SLCO1A2: variants seen among roughly 807,000 people sequenced by gnomAD.
SLCO1A2 encodes the protein solute carrier organic anion transporter family member 1A2.
A neutral mutation model predicts 69.0 loss-of-function variants in SLCO1A2; 67 were observed. The ratio of observed to expected loss-of-function variants is 0.97; its 90% confidence interval spans 0.80 to 1.19. The LOEUF (loss-of-function observed/expected upper bound fraction) is 1.19. Among genes scored for constraint, SLCO1A2 ranks in the 50% most tolerant of loss-of-function variants. SLCO1A2 has a pLI of 0.00. For missense variants in SLCO1A2, 787 were observed against 793.7 expected, an observed-to-expected ratio of 0.99 and a Z score of 0.10; for synonymous variants, 260 against 265.9, an observed-to-expected ratio of 0.98 and a Z score of 0.22.
intron 2 of SLCO1A2, among the ~76,000 whole-genome samples, chr12:21,320,469 TTC>T (rs1352088004): frequency 6.6e-6 from 1 of 151,892 alleles, no homozygotes; most frequent in African/African-American, 2.4e-5. Context: ...TATTGCTCTT[TTC>T]TCTCTCTCTC....
At chr12:21,275,462 A>C (rs764419497) in intron 12 of SLCO1A2, 38 bp from the exon 13 acceptor site, 1 of 1,401,944 alleles carries the variant, frequency 7.1e-7, no homozygotes, top group East Asian at 2.6e-5. Flanking sequence ...AAGAAAAATA[A>C]AGATTTAAAA....
At chr12:21,276,155 A>G (rs992278381) in intron 12 of SLCO1A2, among the ~76,000 whole-genome samples, 1 of 152,168 alleles carries the variant, frequency 6.6e-6, no homozygotes, top group Non-Finnish European at 1.5e-5. Context: ...TTGGAAGTGA[A>G]AAGACAAAAC....
chr12:21,395,963 C>A (rs770736078), upstream of SLCO1A2, among the ~76,000 whole-genome samples: 1 of 150,474 alleles, frequency 6.6e-6, no homozygotes, highest in African/African-American at 2.4e-5. Context: ...AAAAGCAGAG[C>A]GCCTCTCCTC....
At chr12:21,363,064 C>G (rs370249964) in intron 2 of SLCO1A2, among the ~76,000 whole-genome samples, 2 of 152,210 alleles carry the variant, frequency 1.3e-5, no homozygotes, top group Non-Finnish European at 2.9e-5. Context: ...ATCTACAGAA[C>G]TCTCCACCCC....
chr12:21,285,929 T>C (rs1945695851), intron 12 of SLCO1A2, among the ~76,000 whole-genome samples: 1 of 151,726 alleles, frequency 6.6e-6, no homozygotes, highest in African/African-American at 2.4e-5. Flanking sequence ...ACTGGAAGCA[T>C]TCCCTTTGAA....
chr12:21,312,833 A>G (rs1376115404), intron 4 of SLCO1A2, among the ~76,000 whole-genome samples: 3 of 152,108 alleles, frequency 2.0e-5, no homozygotes, highest in Non-Finnish European at 4.4e-5. Context: ...CAACATTTTG[A>G]GAGTCTGAGG....
At chr12:21,368,754 G>C (rs891303667) in intron 2 of SLCO1A2, among the ~76,000 whole-genome samples, 1 of 151,950 alleles carries the variant, frequency 6.6e-6, no homozygotes, top group African/African-American at 2.4e-5. Flanking sequence ...ACATTTGAAA[G>C]TTCCCAAAAG....
intron 2 of SLCO1A2, among the ~76,000 whole-genome samples, chr12:21,357,269 TA>T (rs1295808304): frequency 2.6e-5 from 4 of 152,080 alleles, no homozygotes; most frequent in African/African-American, 9.7e-5. Flanking sequence ...GGTGGACGTA[TA>T]AAAAGGGGAA....
rs1029355044 is a variant in SLCO1A2, at chr12:21,381,786, C to T, written c.-189-7261G>A. On this transcript the variant is annotated intron_variant, in intron 1 of 15. Coordinates refer to the SLCO1A2 transcript ENST00000307378. ...ACTCCAGCCTGGCTACAGAGCGAGA[C>T]TCCGTCTCAAAAAGAAAAAAAAGAA... Among the ~76,000 whole-genome samples, 4 of 152,156 alleles carry T rather than the reference C, an allele frequency of 2.6e-5. No individual in the cohort carries two copies. In the East Asian group the frequency reaches 5.8e-4, roughly 22 times the overall value.
chr12:21,327,783 C>T (rs1049952484), intron 2 of SLCO1A2, among the ~76,000 whole-genome samples: 27 of 151,774 alleles, frequency 1.8e-4, no homozygotes, highest in African/African-American at 6.1e-4. Context: ...TTTGATGGCT[C>T]CTAAGTTAGG....
At chr12:21,270,030 A>C (rs1942519762) in intron 14 of SLCO1A2, among the ~76,000 whole-genome samples, 1 of 147,378 alleles carries the variant, frequency 6.8e-6, no homozygotes, top group Non-Finnish European at 1.5e-5. Flanking sequence ...ATAACTAACT[A>C]GTTTTTCATT....
chr12:21,407,110 G>A (rs1369576742), intron 1 of SLCO1A2, among the ~76,000 whole-genome samples: 1 of 152,066 alleles, frequency 6.6e-6, no homozygotes, highest in East Asian at 1.9e-4. Context: ...AGGCAAAAGT[G>A]CTCTGAAGAA....
chr12:21,284,048 T>C (rs1945278316), intron 12 of SLCO1A2, among the ~76,000 whole-genome samples: 1 of 152,096 alleles, frequency 6.6e-6, no homozygotes, highest in Non-Finnish European at 1.5e-5. Context: ...GATCCAGCAA[T>C]CCCACTTCTA....
chr12:21,376,881 T>C (rs1772392446), intron 1 of SLCO1A2, among the ~76,000 whole-genome samples: 2 of 152,126 alleles, frequency 1.3e-5, no homozygotes, highest in African/African-American at 2.4e-5. Context: ...TTCACCAATA[T>C]TTTGATTTCT....
intron 2 of SLCO1A2, among the ~76,000 whole-genome samples, chr12:21,363,769 C>A (rs1939137515): frequency 6.6e-6 from 1 of 152,166 alleles, no homozygotes; most frequent in African/African-American, 2.4e-5. Context: ...CTATAAACAC[C>A]TCTGTGCAAA....
At chr12:21,299,287 T>C (rs1418112720) in intron 8 of SLCO1A2, among the ~76,000 whole-genome samples, 3 of 152,144 alleles carry the variant, frequency 2.0e-5, no homozygotes. Context: ...TCTTGAGTAC[T>C]AAATACTTAG....
At chr12:21,310,168 C>T (rs1040564310) in intron 4 of SLCO1A2, among the ~76,000 whole-genome samples, 84 of 152,148 alleles carry the variant, frequency 5.5e-4, no homozygotes, top group African/African-American at 1.8e-3. Flanking sequence ...TATTGTGTAA[C>T]ACTAATGTAT....
intron 1 of SLCO1A2, among the ~76,000 whole-genome samples, chr12:21,407,825 A>T (rs35831032): frequency 5.3e-5 from 8 of 151,590 alleles, no homozygotes; most frequent in African/African-American, 1.2e-4. Context: ...ATAAATGAAA[A>T]AAAAAAAAAA....
chr12:21,288,356 G>T (rs376799454), intron 12 of SLCO1A2, among the ~76,000 whole-genome samples: 1 of 152,078 alleles, frequency 6.6e-6, no homozygotes, highest in Non-Finnish European at 1.5e-5. Context: ...CAGGAGGATC[G>T]CTTGAGCCAG....
Sources: gnomAD v4.1 joint callset for allele counts (sites outside exome capture counted in the v4.1 genomes callset) on GRCh38, gnomAD v4.1.1 for gene constraint, MANE v1.5 for transcripts, NCBI Gene and HGNC (gene_info 2026-07-23, HGNC 2026-07-21) for gene names.